CLNK: variants seen among roughly 807,000 people sequenced by gnomAD.
CLNK encodes the protein cytokine dependent hematopoietic cell linker.
A neutral mutation model predicts 68.6 loss-of-function variants in CLNK; 74 were observed. The observed-to-expected ratio is 1.08, with a 90% CI of 0.89 to 1.31. The LOEUF (loss-of-function observed/expected upper bound fraction) is 1.31. Among genes scored for constraint, CLNK ranks in the 50% most tolerant of loss-of-function variants. The pLI is 0.00. For synonymous variants in CLNK, 198 were observed against 172.2 expected, an observed-to-expected ratio of 1.15 and a Z score of -1.17; for missense variants, 553 against 515.3, an observed-to-expected ratio of 1.07 and a Z score of -0.71.
chr4:10,615,267 G>A (rs1264093406), intron 2 of CLNK, among the ~76,000 whole-genome samples: 2 of 152,140 alleles, frequency 1.3e-5, no homozygotes, highest in Non-Finnish European at 2.9e-5. Context: ...ATCACCTGAG[G>A]CCAGGAGTTC....
chr4:10,490,644 T>C (rs1393633636), intron 18 of CLNK, 31 bp from the exon 19 acceptor site: 1 of 1,536,848 alleles, frequency 6.5e-7, no homozygotes, highest in Admixed American at 2.0e-5. Flanking sequence ...TTAATGACTT[T>C]TAAAATATCT....
chr4:10,627,454 A>G (rs1225424611), intron 2 of CLNK, among the ~76,000 whole-genome samples: 1 of 152,218 alleles, frequency 6.6e-6, no homozygotes, highest in African/African-American at 2.4e-5. Flanking sequence ...TTACTTATTT[A>G]ATATCATTGG....
chr4:10,600,785 G>A (rs549274065), intron 2 of CLNK, among the ~76,000 whole-genome samples: 10 of 152,180 alleles, frequency 6.6e-5, no homozygotes, highest in Non-Finnish European at 1.5e-4. Context: ...GGGAGTTCTG[G>A]CCTATCCCTG....
chr4:10,590,513 G>A (rs188217337), intron 3 of CLNK, among the ~76,000 whole-genome samples: 6 of 152,108 alleles, frequency 3.9e-5, no homozygotes, highest in African/African-American at 1.4e-4. Flanking sequence ...CCCAGGCACC[G>A]ACTGTTAGTC....
At chr4:10,701,662 A>G in the CLNK span, among the ~76,000 whole-genome samples, 1 of 152,204 alleles carries the variant, frequency 6.6e-6, no homozygotes, top group Non-Finnish European at 1.5e-5. Context: ...CACCATAGAA[A>G]AGGCTTCACA....
intron 3 of CLNK, among the ~76,000 whole-genome samples, chr4:10,593,206 A>G (rs540584308): frequency 6.6e-6 from 1 of 152,194 alleles, no homozygotes; most frequent in South Asian, 2.1e-4. Flanking sequence ...ACAGTGAGAA[A>G]AGTGACCCTT....
the CLNK span, among the ~76,000 whole-genome samples, chr4:10,710,058 A>G: frequency 6.6e-6 from 1 of 152,234 alleles, no homozygotes; most frequent in Non-Finnish European, 1.5e-5. Context: ...TTGATAACTG[A>G]TATGATAATC....
At chr4:10,676,046 AGTGTGTGTGTGT>A (rs34091285) in intron 1 of CLNK, among the ~76,000 whole-genome samples, 13 of 148,816 alleles carry the variant, frequency 8.7e-5, no homozygotes, top group South Asian at 2.2e-4. Flanking sequence ...GAGCCAGAAG[AGTGTGTGTGTGT>A]GTGTGTGTGT....
intron 14 of CLNK, among the ~76,000 whole-genome samples, chr4:10,522,921 C>T (rs1035903911): frequency 7.9e-5 from 12 of 152,132 alleles, no homozygotes; most frequent in Non-Finnish European, 2.9e-5. Context: ...GTATTCCAGG[C>T]AGGTAGAGCA....
At chr4:10,526,096 C>T (rs193074822) in intron 13 of CLNK, among the ~76,000 whole-genome samples, 174 bp from the exon 14 acceptor site, 2 of 152,222 alleles carry the variant, frequency 1.3e-5, no homozygotes, top group African/African-American at 4.8e-5. Context: ...CTTCTGGCTC[C>T]TCAGAATGAC....
chr4:10,522,840 G>A (rs1434899175), intron 14 of CLNK, among the ~76,000 whole-genome samples: 2 of 152,180 alleles, frequency 1.3e-5, no homozygotes, highest in African/African-American at 2.4e-5. Context: ...AATTGCTTTC[G>A]TTCTCAGGAA....
At chr4:10,524,031 A>G (rs572542357) in intron 14 of CLNK, 61 of 225,260 alleles carry the variant, frequency 2.7e-4, no homozygotes, top group Non-Finnish European at 5.1e-4. Context: ...AGAAAGAAAG[A>G]AAGGAAGAAA....
chr4:10,600,460 T>C (rs2108846931), intron 2 of CLNK, among the ~76,000 whole-genome samples: 1 of 152,372 alleles, frequency 6.6e-6, no homozygotes, highest in Admixed American at 6.5e-5. Context: ...CTGGAGTTTT[T>C]AGTGTATTTA....
At chr4:10,521,027 T>C (rs1560199265) in intron 14 of CLNK, among the ~76,000 whole-genome samples, 196 bp from the exon 15 acceptor site, 1 of 152,210 alleles carries the variant, frequency 6.6e-6, no homozygotes, top group Non-Finnish European at 1.5e-5. Context: ...TCAAGCTGGC[T>C]ATATTAGACG....
rs11287712 is a variant in CLNK, at chr4:10,581,655, ATT to A, written c.112+3270_112+3271del. Among the ~76,000 whole-genome samples the A allele has an allele frequency of 9.9e-4, 148 of 149,022 alleles. No individual in the cohort carries two copies. The Middle Eastern group carries it at 0.021, about 21-fold the overall frequency. ...ACTACCCGAGTCCCCAGGACCTTTAATTTTTTTTTTTTTTAAATCTGTGCCTA... is the reference window on the plus strand; with the variant it reads ...ACTACCCGAGTCCCCAGGACCTTTAATTTTTTTTTTTTAAATCTGTGCCTA... On this transcript the variant is annotated intron_variant, in intron 4 of 18. Transcript: ENST00000226951.
At chr4:10,536,602 G>A (rs1577113495) in intron 11 of CLNK, among the ~76,000 whole-genome samples, 1 of 152,238 alleles carries the variant, frequency 6.6e-6, no homozygotes, top group East Asian at 1.9e-4. Context: ...CAGTGAGTAT[G>A]GAAGTACTAT....
chr4:10,670,109 G>A lies in CLNK; in HGVS notation c.-42-2198C>T, dbSNP rs116114151. On this transcript the variant is annotated intron_variant, in intron 1 of 18. Coordinates refer to ENST00000226951, the MANE Select transcript of CLNK (RefSeq NM_052964.4). ...ATCTTTCTTTTACAGCATGTCTTAA[G>A]TGTGAAATAAACTGAAACATATGAA... Among the ~76,000 whole-genome samples, 751 of 152,276 alleles carry A rather than the reference G, an allele frequency of 4.9e-3. 2 individuals carry two copies. The highest frequency in any genetic ancestry group is 0.016 in the African/African-American group (685 of 41,564).
intron 1 of CLNK, among the ~76,000 whole-genome samples, chr4:10,679,189 C>A (rs2202119): frequency 2.0e-5 from 3 of 152,110 alleles, no homozygotes; most frequent in African/African-American, 7.2e-5. Context: ...TGGAACAGAA[C>A]AGAGCCCTCA....
intron 5 of CLNK, among the ~76,000 whole-genome samples, chr4:10,568,829 T>C (rs1320081239): frequency 6.6e-6 from 1 of 152,214 alleles, no homozygotes; most frequent in African/African-American, 2.4e-5. Context: ...AGCCATGCTG[T>C]GCCCAGACTT....
Sources: allele counts gnomAD v4.1 joint callset (sites outside exome capture counted in the v4.1 genomes callset), GRCh38; gene constraint gnomAD v4.1.1; transcripts MANE v1.5; gene names NCBI Gene and HGNC (gene_info 2026-07-23, HGNC 2026-07-21).